RNF222: variants seen among roughly 807,000 people sequenced by gnomAD.
RNF222 encodes RING finger protein LOC643904.
In RNF222, 14 loss-of-function variants were observed where a neutral mutation model predicts 10.8. The observed-to-expected ratio is 1.30, with a 90% CI of 0.86 to 2.03. RNF222 has a LOEUF of 2.03. Ranked by LOEUF, RNF222 falls within the 30% of genes most tolerant of loss-of-function variation. The probability of loss-of-function intolerance (pLI) is 0.00; values close to 1 mark genes in which losing one functional copy is unlikely to be tolerated. For missense variants in RNF222, 298 were observed against 295.8 expected, an observed-to-expected ratio of 1.01 and a Z score of -0.06; for synonymous variants, 141 against 142.5, an observed-to-expected ratio of 0.99 and a Z score of 0.07.
chr17:8,392,935 T>C lies in RNF222; in HGVS notation c.527A>G (p.Glu176Gly). 1.3e-6 allele frequency: 2 copies of C among 1,528,168 alleles called. No homozygotes were observed. The highest frequency in any genetic ancestry group is 1.7e-6 in the Non-Finnish European group (2 of 1,143,224). 94.7% of individuals were successfully genotyped at this position (1,528,168 alleles called of 1,614,324 possible). The change falls in exon 3 of 3, where the codon GAG (glutamate) becomes GGG (glycine). Residue 176 changes from glutamate (E) to glycine (G), a missense_variant. Physicochemically the swap from Glu to Gly is moderately conservative, Grantham distance 98. Transcript: ENST00000399398. The surrounding 1 kb of genome is among the most constrained non-coding windows in gnomAD (Gnocchi z 4.3). ...GGCGGAGCGGGGCGCCAGGGAGGCC[T>C]CCGAGAGCTCTGCCAGGCTGCGGCG... ...LPRRSLAELS[E>G]ASLAPRSARA...
chr17:8,393,915 A>G (rs1183799009), intron 2 of RNF222, among the ~76,000 whole-genome samples: 6 of 152,202 alleles, frequency 3.9e-5, no homozygotes, highest in Non-Finnish European at 1.5e-5. Context: ...AGATGCATGC[A>G]CAGCCCCAGT....
Position 8,392,684 on chromosome 17 carries a change from G to GCC in RNF222, c.*114_*115insGG. 2 of 1,309,370 alleles carry GCC rather than the reference G, an allele frequency of 1.5e-6. No individual in the cohort carries two copies. The highest frequency in any genetic ancestry group is 2.0e-6 in the Non-Finnish European group (2 of 983,178). 81.1% of individuals were successfully genotyped at this position (1,309,370 alleles called of 1,614,324 possible). On this transcript the variant is annotated 3_prime_UTR_variant, in exon 3 of 3. Transcript: ENST00000399398. The surrounding 1 kb of genome is among the most constrained non-coding windows in gnomAD (Gnocchi z 4.3). Reference sequence around the variant, plus strand: ...AGCCCAAGGCCCTCTCTGTGCCCAGGTCCTCCCCTCTGCCTGCCCGCGTGC... The same window carrying GCC: ...AGCCCAAGGCCCTCTCTGTGCCCAGGCCTCCTCCCCTCTGCCTGCCCGCGTGC...
In RNF222 at chr17:8,392,795, C is replaced by T. The variant is rs1907884162; in HGVS notation, c.*4G>A. On this transcript the variant is annotated 3_prime_UTR_variant, in exon 3 of 3. Transcript: ENST00000399398. The surrounding 1 kb of genome is among the most constrained non-coding windows in gnomAD (Gnocchi z 4.3). ...CTAGCCCGGCGGCCTCCCTGAGGTG[C>T]GGCTCACGCCTGCTTCCTCACCAGC... 4.6e-6 allele frequency: 7 copies of T among 1,531,816 alleles called. No homozygotes were observed. The East Asian group carries it at 7.4e-5, about 16-fold the overall frequency. 94.9% of individuals were successfully genotyped at this position (1,531,816 alleles called of 1,614,324 possible). A position where few individuals can be genotyped will look rare whatever the true frequency, so the allele number is the denominator to read the frequency against.
intron 2 of RNF222, among the ~76,000 whole-genome samples, chr17:8,393,792 C>T (rs900247665): frequency 1.3e-5 from 2 of 152,318 alleles, no homozygotes; most frequent in African/African-American, 4.8e-5. Flanking sequence ...CCTGATGTCT[C>T]ACCTCAATCA....
Position 8,393,188 on chromosome 17 carries a change from C to T in RNF222, c.274G>A (p.Val92Met), listed in dbSNP as rs1169479860. The T allele has an allele frequency of 8.4e-6, 13 of 1,550,382 alleles. No individual in the cohort carries two copies. The highest frequency in any genetic ancestry group is 1.7e-4 in the Middle Eastern group (1 of 6,010). The change falls in exon 3 of 3, where the codon GTG (valine) becomes ATG (methionine). Residue 92 changes from valine to methionine, a missense_variant. Coordinates refer to ENST00000399398, the MANE Select transcript of RNF222 (RefSeq NM_001146684.3). Reference sequence around the variant, plus strand: ...AGTGGGGGCACGGAGGGCAGGCCCACGGGCACAGCCAGCGTCTGGGAGCTC... The same window carrying T: ...AGTGGGGGCACGGAGGGCAGGCCCATGGGCACAGCCAGCGTCTGGGAGCTC... Reference protein sequence around the residue: ...DKSSQTLAVPVGLPSVPPLDS... With the variant: ...DKSSQTLAVPMGLPSVPPLDS...
At chr17:8,394,735 C>T (rs1383738497) in intron 1 of RNF222, among the ~76,000 whole-genome samples, 1 of 152,222 alleles carries the variant, frequency 6.6e-6, no homozygotes, top group Non-Finnish European at 1.5e-5. Flanking sequence ...AGCCAAGGCG[C>T]TGGCCACAAG....
In RNF222 at chr17:8,393,213, C is replaced by T. The variant is rs1318928210; in HGVS notation, c.249G>A (p.Lys83=). Residue 83 remains lysine (K), a synonymous_variant, in exon 3 of 3, where the codon AAG becomes AAA. Transcript: ENST00000399398. ...KSSRWPSMLD[K]SSQTLAVPVG... Reference sequence around the variant, plus strand: ...CGGGCACAGCCAGCGTCTGGGAGCTCTTGTCCAGCATGGAGGGCCAGCGGG... The same window carrying T: ...CGGGCACAGCCAGCGTCTGGGAGCTTTTGTCCAGCATGGAGGGCCAGCGGG... 1 of 1,550,876 alleles carries T rather than the reference C, an allele frequency of 6.4e-7. No individual in the cohort carries two copies. The highest frequency in any genetic ancestry group is 1.2e-5 in the South Asian group (1 of 84,066).
In RNF222 at chr17:8,393,108, TGGCCTCCAGGCAGGGGAGGA is replaced by T; in HGVS notation, c.334_353del (p.Ser112ThrfsTer113). 1.3e-6 allele frequency: 2 copies of T among 1,515,896 alleles called. No individual in the cohort carries two copies. The highest frequency in any genetic ancestry group is 1.8e-6 in the Non-Finnish European group (2 of 1,131,220). 93.9% of individuals were successfully genotyped at this position (1,515,896 alleles called of 1,614,324 possible). A position where few individuals can be genotyped will look rare whatever the true frequency, so the allele number is the denominator to read the frequency against. On this transcript the variant is annotated frameshift_variant, in exon 3 of 3. Coordinates refer to ENST00000399398, the MANE Select transcript of RNF222 (RefSeq NM_001146684.3). LOFTEE classifies it high-confidence loss of function. ...CTGGCGGCCTGGCCTGGCCTGGAGG[TGGCCTCCAGGCAGGGGAGGA>T]GGCGGCCAGGGGGTTTGTGTGGCCC...
At chr17:8,393,586 C>T in intron 2 of RNF222, 100 bp from the exon 3 acceptor site, 2 of 1,414,950 alleles carry the variant, frequency 1.4e-6, no homozygotes, top group Non-Finnish European at 1.9e-6. Context: ...CTTATCCCCT[C>T]TCCCTGTCTT....
At chr17:8,394,857 T>A (rs1907991366) in intron 1 of RNF222, among the ~76,000 whole-genome samples, 1 of 152,196 alleles carries the variant, frequency 6.6e-6, no homozygotes, top group Admixed American at 6.5e-5. Context: ...GGTCCAAGTG[T>A]CCGCACTGAA....
At position 8,394,206 on chromosome 17, in the gene RNF222, CT is replaced by C. The variant is rs1437094516; in HGVS notation, c.-55del. 1.3e-5 allele frequency: 2 copies of C among 152,244 alleles called. No homozygotes were observed. Among genetic ancestry groups the C allele is most frequent in the Non-Finnish European group, 2.9e-5 (2 of 68,062 alleles). The allele number at this position is 152,244 out of a possible 1,614,324, so 9.4% of individuals were successfully genotyped here. A position where few individuals can be genotyped will look rare whatever the true frequency, so the allele number is the denominator to read the frequency against. On this transcript the variant is annotated 5_prime_UTR_variant, in exon 2 of 3. Coordinates refer to ENST00000399398, the MANE Select transcript of RNF222 (RefSeq NM_001146684.3). ...CCACAGCTCAGTCATTCTCCAAATT[CT>C]TCTTATGGGGCTGCCTGAGGCAGTG...
Position 8,393,093 on chromosome 17 carries a change from G to T in RNF222, c.369C>A (p.Ala123=). The T allele has an allele frequency of 6.6e-7, 1 of 1,504,156 alleles. No homozygotes were observed. The allele number at this position is 1,504,156 out of a possible 1,614,324, so 93.2% of individuals were successfully genotyped here. The change falls in exon 3 of 3, where the codon GCC becomes GCA. Residue 123 remains alanine, a synonymous_variant. Transcript: ENST00000399398. ...TCTGGCCCGGGCTGCCTGGCGGCCT[G>T]GCCTGGCCTGGAGGTGGCCTCCAGG... ...SPAWRPPPGQ[A]RPPGSPGQSA...
rs62064337 is a variant in RNF222, at chr17:8,391,665, C to G, written c.*1134G>C. 24,657 of 152,208 alleles carry G rather than the reference C, an allele frequency of 0.16. 2,161 individuals are homozygous for G. Among genetic ancestry groups the G allele is most frequent in the Middle Eastern group, 0.22 (65 of 298 alleles). 9.4% of individuals were successfully genotyped at this position (152,208 alleles called of 1,614,324 possible). A position where few individuals can be genotyped will look rare whatever the true frequency, so the allele number is the denominator to read the frequency against. On this transcript the variant is annotated 3_prime_UTR_variant, in exon 3 of 3. Coordinates refer to ENST00000399398, the MANE Select transcript of RNF222 (RefSeq NM_001146684.3). The stretch of plus-strand genomic sequence containing the variant: ...ACGGACCTCAATAAACAGCCAATAG[C>G]TATCCCCGAATGACTCAGGCTAGAC...
At chr17:8,395,300 T>A (rs1908005035) in intron 1 of RNF222, among the ~76,000 whole-genome samples, 1 of 152,208 alleles carries the variant, frequency 6.6e-6, no homozygotes, top group Admixed American at 6.5e-5. Flanking sequence ...TTCAAATCTT[T>A]GATCTACCCA....
Position 8,392,675 on chromosome 17 carries a change from T to G in RNF222, c.*124A>C. The G allele has an allele frequency of 8.1e-7, 1 of 1,240,868 alleles. No homozygotes were observed. Among genetic ancestry groups the G allele is most frequent in the Non-Finnish European group, 1.1e-6 (1 of 925,322 alleles). 76.9% of individuals were successfully genotyped at this position (1,240,868 alleles called of 1,614,324 possible). On this transcript the variant is annotated 3_prime_UTR_variant, in exon 3 of 3. Coordinates refer to ENST00000399398, the MANE Select transcript of RNF222 (RefSeq NM_001146684.3). This position sits in a 1 kb window ranked among gnomAD's most constrained non-coding sequence, Gnocchi z 4.3. ...GGTCGGGGAAGCCCAAGGCCCTCTC[T>G]GTGCCCAGGTCCTCCCCTCTGCCTG...
At chr17:8,394,984 C>T (rs191725227) in intron 1 of RNF222, among the ~76,000 whole-genome samples, 2 of 152,260 alleles carry the variant, frequency 1.3e-5, no homozygotes, top group East Asian at 3.9e-4. Context: ...CAAAAGACCC[C>T]TGGACACACT....
At chr17:8,394,379 C>T (rs1907972049) in intron 1 of RNF222, 50 bp from the exon 2 acceptor site, 1 of 150,838 alleles carries the variant, frequency 6.6e-6, no homozygotes, top group South Asian at 2.1e-4. Context: ...TGTTTGAAAT[C>T]AAAGCTATGG....
rs1402852032 is a variant in RNF222, at chr17:8,393,285, C to G, written c.177G>C (p.Leu59=). 1 of 1,551,348 alleles carries G rather than the reference C, an allele frequency of 6.4e-7. No individual in the cohort carries two copies. The highest frequency in any genetic ancestry group is 2.4e-5 in the East Asian group (1 of 40,940). The change falls in exon 3 of 3, where the codon CTG becomes CTC. Residue 59 remains leucine (L), a synonymous_variant. Coordinates refer to ENST00000399398, the MANE Select transcript of RNF222 (RefSeq NM_001146684.3). ...TRVDGQVQRT[L]VCPICRYVTF... is the part of the protein sequence containing the mutation. ...TGACGTAGCGGCAGATGGGGCAGAC[C>G]AGGGTCCTCTGGACCTGCCCATCCA... is the stretch of plus-strand genomic sequence containing the variant.
In RNF222 at chr17:8,393,040, G is replaced by C; in HGVS notation, c.422C>G (p.Pro141Arg). The change falls in exon 3 of 3, where the codon CCC (proline) becomes CGC (arginine). Residue 141 changes from proline (P) to arginine (R), a missense_variant. Pro to Arg is a moderately radical substitution (Grantham distance 103). Coordinates refer to ENST00000399398, the MANE Select transcript of RNF222 (RefSeq NM_001146684.3). ...GATCTGTGACTCCCGGGGCAGGCTGGGCAGCAGGTCCAGGGGGAGCTGGGC... is the reference window on the plus strand; with the variant it reads ...GATCTGTGACTCCCGGGGCAGGCTGCGCAGCAGGTCCAGGGGGAGCTGGGC... ...QSAQLPLDLL[P>R]SLPRESQIFV... The C allele has an allele frequency of 6.7e-7, 1 of 1,501,546 alleles. No homozygotes were observed. The highest frequency in any genetic ancestry group is 8.8e-7 in the Non-Finnish European group (1 of 1,130,132). 93.0% of individuals were successfully genotyped at this position (1,501,546 alleles called of 1,614,324 possible).
Sources: gnomAD v4.1 joint callset for allele counts (sites outside exome capture counted in the v4.1 genomes callset) on GRCh38, gnomAD v4.1.1 for gene constraint, Gnocchi (gnomAD v3.1) non-coding constraint, MANE v1.5 for transcripts, NCBI Gene and HGNC (gene_info 2026-07-23, HGNC 2026-07-21) for gene names.